Variants in ERICH3 observed in about 807,000 individuals in gnomAD.
ERICH3 encodes glutamate-rich protein 3.
Under a neutral mutation model 131.1 loss-of-function variants are expected in ERICH3, and 126 were observed. The ratio of observed to expected loss-of-function variants is 0.96; its 90% CI spans 0.83 to 1.11. ERICH3 has a LOEUF of 1.11. Among genes scored for constraint, ERICH3 ranks in the 50% most tolerant of loss-of-function variants. The pLI, the probability that ERICH3 is intolerant of heterozygous loss-of-function variation, is 0.00. For missense variants in ERICH3, 2,050 were observed against 1,810.7 expected, an observed-to-expected ratio of 1.13 and a Z score of -2.40; for synonymous variants, 695 against 644.6, an observed-to-expected ratio of 1.08 and a Z score of -1.18.
Position 74,605,124 on chromosome 1 carries a change from A to G in ERICH3, c.1489+1477T>C, listed in dbSNP as rs550449825. 1.7e-4 allele frequency among the ~76,000 whole-genome samples: 26 copies of G among 152,042 alleles called. No individual in the cohort carries two copies. The South Asian group carries it at 3.3e-3, about 19-fold the overall frequency. Reference sequence around the variant, plus strand: ...TAAGCACTTGCTACTTCACCTTGCAATTTCATGCTATGGAAATGACTTCTT... The same window carrying G: ...TAAGCACTTGCTACTTCACCTTGCAGTTTCATGCTATGGAAATGACTTCTT... On this transcript the variant is annotated intron_variant, in intron 10 of 14. Coordinates refer to ENST00000326665, the MANE Select transcript of ERICH3 (RefSeq NM_001002912.5).
intron 8 of ERICH3, among the ~76,000 whole-genome samples, chr1:74,619,081 G>A (rs562276697): frequency 2.0e-5 from 3 of 152,170 alleles, no homozygotes; most frequent in South Asian, 2.1e-4. Context: ...TTATTGCATC[G>A]ACAGGATTCA....
At chr1:74,609,188 T>C (rs1047369155) in intron 9 of ERICH3, among the ~76,000 whole-genome samples, 2 of 152,026 alleles carry the variant, frequency 1.3e-5, no homozygotes, top group African/African-American at 2.4e-5. Context: ...GTTCCTATAA[T>C]TGAGAGATGA....
chr1:74,652,709 A>AC (rs1646548098), intron 1 of ERICH3, among the ~76,000 whole-genome samples: 2 of 152,028 alleles, frequency 1.3e-5, no homozygotes, highest in East Asian at 3.9e-4. Flanking sequence ...CCTCCACTGC[A>AC]CCCTTTTCAT....
chr1:74,575,363 T>C (rs1029765500), intron 13 of ERICH3, among the ~76,000 whole-genome samples: 1 of 152,236 alleles, frequency 6.6e-6, no homozygotes, highest in Non-Finnish European at 1.5e-5. Context: ...GGTCTATCAA[T>C]AGGGCTGAGG....
At chr1:74,588,156 A>G (rs942431958) in intron 12 of ERICH3, among the ~76,000 whole-genome samples, 5 of 152,040 alleles carry the variant, frequency 3.3e-5, no homozygotes, top group Non-Finnish European at 5.9e-5. Context: ...CCACTATCTA[A>G]AACACCTTTA....
At chr1:74,612,368 G>C (rs533667273) in intron 9 of ERICH3, among the ~76,000 whole-genome samples, 32 of 152,278 alleles carry the variant, frequency 2.1e-4, no homozygotes, top group African/African-American at 7.7e-4. Flanking sequence ...GAGAAGACAG[G>C]AGAGATAGAA....
chr1:74,579,738 C>A (rs750493849), intron 12 of ERICH3: 1 of 985,354 alleles, frequency 1.0e-6, no homozygotes. Context: ...ACTCCCATTT[C>A]AGCAATGTGA....
intron 12 of ERICH3, among the ~76,000 whole-genome samples, chr1:74,584,092 C>T (rs1291470006): frequency 1.3e-5 from 2 of 152,108 alleles, no homozygotes; most frequent in Non-Finnish European, 2.9e-5. Flanking sequence ...AGTCGATTAC[C>T]TTCCCAACAA....
chr1:74,604,020 C>T (rs1440447433), intron 10 of ERICH3, among the ~76,000 whole-genome samples: 1 of 151,922 alleles, frequency 6.6e-6, no homozygotes, highest in Non-Finnish European at 1.5e-5. Flanking sequence ...AGCATTTACA[C>T]ACAGTAAAAC....
intron 11 of ERICH3, among the ~76,000 whole-genome samples, chr1:74,598,715 A>AT (rs1040576907): frequency 2.0e-5 from 3 of 151,818 alleles, no homozygotes; most frequent in Admixed American, 6.6e-5. Flanking sequence ...AGAAGCTAGT[A>AT]TTTTTTTGTC....
chr1:74,571,560 C>A lies in ERICH3; in HGVS notation c.4150G>T (p.Glu1384Ter), dbSNP rs1215638958. 6.2e-7 allele frequency: 1 copy of A among 1,614,182 alleles called. No individual in the cohort carries two copies. Residue 1384 changes from glutamate to a stop codon, truncating the protein, a stop_gained, in exon 14 of 15, where the codon GAA (glutamate) becomes TAA (stop). Coordinates refer to ENST00000326665, the MANE Select transcript of ERICH3 (RefSeq NM_001002912.5). LOFTEE classifies it high-confidence loss of function. ...TCATCCTGTTGGTGCCAGGTTTCTT[C>A]CTCAGCAACATCTGAAAAGGAGGAG... is the stretch of plus-strand genomic sequence containing the variant. ...KASSFSDVAE[E>*]ETWHQQDELV...
At chr1:74,614,533 CG>C (rs979310854) in intron 8 of ERICH3, among the ~76,000 whole-genome samples, 65 of 151,294 alleles carry the variant, frequency 4.3e-4, no homozygotes, top group Non-Finnish European at 7.5e-4. Flanking sequence ...AAAAATTAGC[CG>C]GGCGTGGTAG....
intron 1 of ERICH3, among the ~76,000 whole-genome samples, chr1:74,670,771 C>T (rs1185830814): frequency 1.3e-5 from 2 of 152,136 alleles, no homozygotes; most frequent in Non-Finnish European, 2.9e-5. Context: ...GGTCTGACTG[C>T]CTGTGGGGTT....
intron 12 of ERICH3, among the ~76,000 whole-genome samples, chr1:74,588,169 C>T (rs1446594025): frequency 6.6e-6 from 1 of 152,198 alleles, no homozygotes; most frequent in Non-Finnish European, 1.5e-5. Flanking sequence ...CACCTTTATC[C>T]TCCTGTATCC....
At chr1:74,574,389 G>C (rs1465097209) in intron 13 of ERICH3, among the ~76,000 whole-genome samples, 4 of 152,140 alleles carry the variant, frequency 2.6e-5, no homozygotes, top group Non-Finnish European at 4.4e-5. Context: ...AGTGTGAACT[G>C]ATGATTCTCA....
chr1:74,621,197 G>A (rs1649204892), intron 7 of ERICH3, among the ~76,000 whole-genome samples: 1 of 152,068 alleles, frequency 6.6e-6, no homozygotes, highest in Non-Finnish European at 1.5e-5. Context: ...TGTGTGGGGA[G>A]GTGTGTGGGA....
intron 13 of ERICH3, among the ~76,000 whole-genome samples, chr1:74,575,090 C>T (rs1017890307): frequency 2.4e-4 from 36 of 151,998 alleles, no homozygotes; most frequent in African/African-American, 8.7e-4. Flanking sequence ...ACATCATCAC[C>T]AACAACCTAC....
intron 12 of ERICH3, among the ~76,000 whole-genome samples, chr1:74,588,879 G>A (rs1409577382): frequency 6.6e-6 from 1 of 152,080 alleles, no homozygotes; most frequent in Non-Finnish European, 1.5e-5. Context: ...ACACACCCAG[G>A]AGCCCCAGGG....
rs1195388394 is a variant in ERICH3, at chr1:74,571,742, TCTC to T, written c.3965_3967del (p.Gly1322del). On this transcript the variant is annotated inframe_deletion, in exon 14 of 15. Coordinates refer to ENST00000326665, the MANE Select transcript of ERICH3 (RefSeq NM_001002912.5). ...GCCCTCATTCTTTTGTGTGTTTCCT[TCTC>T]CTTCCATGTCCCCGTCCCCTTCCGA... 6.2e-7 allele frequency: 1 copy of T among 1,614,036 alleles called. No individual in the cohort carries two copies. The highest frequency in any genetic ancestry group is 1.7e-5 in the Admixed American group (1 of 60,018).
Sources: allele counts gnomAD v4.1 joint callset (sites outside exome capture counted in the v4.1 genomes callset), GRCh38; gene constraint gnomAD v4.1.1; transcripts MANE v1.5; gene names NCBI Gene and HGNC (gene_info 2026-07-23, HGNC 2026-07-21).